The following PUDP variants were observed in gnomAD, a reference collection of about 807,000 sequenced individuals.
PUDP encodes the protein pseudouridine-5'-phosphatase.
Under a neutral mutation model 9.4 loss-of-function variants are expected in PUDP, and 8 were observed. The observed-to-expected ratio is 0.85, with a 90% CI of 0.50 to 1.53. PUDP has a LOEUF of 1.53. Among genes scored for constraint, PUDP ranks in the 40% most tolerant of loss-of-function variants. The pLI, the probability that PUDP is intolerant of heterozygous loss-of-function variation, is 0.00. For missense variants in PUDP, 188 were observed against 189.7 expected, an observed-to-expected ratio of 0.99 and a Z score of 0.05; for synonymous variants, 99 against 80.7, an observed-to-expected ratio of 1.23 and a Z score of -1.22.
chrX:7,073,954 G>A (rs1323685966), intron 3 of PUDP, among the ~76,000 whole-genome samples: 1 of 112,381 alleles, frequency 8.9e-6, no homozygotes, highest in Non-Finnish European at 1.9e-5. Flanking sequence ...TCATTCCATG[G>A]GCCTCTTTGC....
At chrX:6,963,870 C>A (rs1321848401) in intron 3 of PUDP, among the ~76,000 whole-genome samples, 1 of 112,363 alleles carries the variant, frequency 8.9e-6, no homozygotes, top group Middle Eastern at 4.2e-3. Context: ...AAGAAACATA[C>A]AGGTTCTAAA....
At chrX:7,091,588 GC>G (rs1373671903) in intron 2 of PUDP, among the ~76,000 whole-genome samples, 1 of 108,264 alleles carries the variant, frequency 9.2e-6, no homozygotes, top group Non-Finnish European at 1.9e-5. Context: ...TGATCCACCT[GC>G]CTTGGCCTCC....
chrX:6,812,210 C>A (rs746840274), intron 3 of PUDP, among the ~76,000 whole-genome samples: 3 of 112,014 alleles, frequency 2.7e-5, no homozygotes, highest in Non-Finnish European at 5.6e-5. Context: ...CATCTTCAGA[C>A]TCAAAGCACA....
chrX:6,953,715 C>T (rs1276259038), intron 3 of PUDP, among the ~76,000 whole-genome samples: 3 of 111,174 alleles, frequency 2.7e-5, no homozygotes, highest in South Asian at 7.7e-4. Flanking sequence ...TGAACATTCA[C>T]CCCTATAGCC....
At chrX:7,037,112 G>A (rs1042367529) in intron 1 of PUDP, among the ~76,000 whole-genome samples, 5 of 111,157 alleles carry the variant, frequency 4.5e-5, no homozygotes, top group African/African-American at 1.6e-4. Flanking sequence ...CATCTTTTTG[G>A]ACTAGAATTT....
At chrX:7,044,288 A>G (rs1441647056), downstream of PUDP, among the ~76,000 whole-genome samples, 2 of 112,105 alleles carry the variant, frequency 1.8e-5, no homozygotes, top group Non-Finnish European at 3.8e-5. Flanking sequence ...TTGATGAAAC[A>G]GATACTGCAG....
chrX:6,715,079 A>G (rs1475103439), intron 1 of PUDP, among the ~76,000 whole-genome samples: 3 of 110,720 alleles, frequency 2.7e-5, no homozygotes, highest in African/African-American at 9.9e-5. Flanking sequence ...TAAAATGTAA[A>G]GGAACATAAA....
Position 7,050,165 on chromosome X carries a change from G to A in PUDP, c.*131C>T. 1 of 607,792 alleles carries A rather than the reference G, an allele frequency of 1.6e-6. No individual in the cohort carries two copies. Among genetic ancestry groups the A allele is most frequent in the Non-Finnish European group, 2.5e-6 (1 of 406,070 alleles). The allele number at this position is 607,792 out of a possible 1,213,427, so 50.1% of individuals were successfully genotyped here. ...GACTGGGACAAACCAACATGGGATG[G>A]AAACTCCAATCTCAGGAGGCTAAAA... is the stretch of plus-strand genomic sequence containing the variant. On this transcript the variant is annotated 3_prime_UTR_variant, in exon 4 of 4. Transcript: ENST00000381077.
intron 3 of PUDP, among the ~76,000 whole-genome samples, chrX:6,741,925 G>A (rs923618010): frequency 9.3e-6 from 1 of 106,986 alleles, no homozygotes; most frequent in East Asian, 2.9e-4. Flanking sequence ...GTGCAATCTC[G>A]GTTCACTGTA....
At chrX:7,012,394 A>C (rs1463693122) in intron 1 of PUDP, among the ~76,000 whole-genome samples, 2 of 112,292 alleles carry the variant, frequency 1.8e-5, no homozygotes, top group Non-Finnish European at 3.8e-5. Context: ...GCCCCTGGAC[A>C]CATGTTCCTG....
At chrX:6,767,735 C>T (rs762362635) in intron 3 of PUDP, among the ~76,000 whole-genome samples, 3 of 111,958 alleles carry the variant, frequency 2.7e-5, no homozygotes, top group Non-Finnish European at 5.6e-5. Flanking sequence ...GAATGGGATT[C>T]GAGTTTTATT....
intron 3 of PUDP, among the ~76,000 whole-genome samples, chrX:6,731,332 C>A (rs1034756235): frequency 7.2e-5 from 8 of 111,578 alleles, no homozygotes; most frequent in African/African-American, 2.6e-4. Flanking sequence ...CACAGCCTCC[C>A]AAAGCACTGG....
chrX:6,969,213 C>T (rs1928834027), intron 3 of PUDP, among the ~76,000 whole-genome samples: 1 of 112,152 alleles, frequency 8.9e-6, no homozygotes, highest in Non-Finnish European at 1.9e-5. Flanking sequence ...CCTTGCTACC[C>T]ACATGAACTC....
At chrX:6,731,189 GC>G (rs1924804330) in intron 3 of PUDP, among the ~76,000 whole-genome samples, 1 of 112,061 alleles carries the variant, frequency 8.9e-6, no homozygotes, top group African/African-American at 3.2e-5. Flanking sequence ...TCCTGTCTCA[GC>G]CCCCTGAGTA....
intron 3 of PUDP, among the ~76,000 whole-genome samples, chrX:6,842,602 T>C (rs1470900392): frequency 8.9e-6 from 1 of 112,660 alleles, no homozygotes; most frequent in Non-Finnish European, 1.9e-5. Context: ...ATCTGTGGCA[T>C]TGCCTCCTAA....
At chrX:7,064,119 A>G (rs1930481307) in intron 3 of PUDP, among the ~76,000 whole-genome samples, 1 of 111,791 alleles carries the variant, frequency 8.9e-6, no homozygotes, top group African/African-American at 3.3e-5. Context: ...TACGTATTCA[A>G]CGTTTCTCTT....
intron 3 of PUDP, among the ~76,000 whole-genome samples, chrX:6,779,803 A>C (rs988175332): frequency 1.8e-5 from 2 of 110,978 alleles, no homozygotes; most frequent in Non-Finnish European, 3.8e-5. Flanking sequence ...GGTGGCATGC[A>C]TATAGTCCCA....
intron 1 of PUDP, among the ~76,000 whole-genome samples, chrX:7,003,551 C>G (rs1382762902): frequency 1.8e-5 from 2 of 112,071 alleles, no homozygotes; most frequent in African/African-American, 6.5e-5. Flanking sequence ...ATTTTTCCAC[C>G]CTATTTTCAT....
chrX:6,805,433 A>G (rs1204467628), intron 3 of PUDP, among the ~76,000 whole-genome samples: 1 of 111,218 alleles, frequency 9.0e-6, no homozygotes, highest in Non-Finnish European at 1.9e-5. Context: ...CATGTCACAC[A>G]ATGAAAAAGC....
Sources: gnomAD v4.1 joint callset for allele counts (sites outside exome capture counted in the v4.1 genomes callset) on GRCh38, gnomAD v4.1.1 for gene constraint, MANE v1.5 for transcripts, NCBI Gene and HGNC (gene_info 2026-07-23, HGNC 2026-07-21) for gene names.